SHISAL1: variants seen among roughly 807,000 people sequenced by gnomAD.
The protein encoded by SHISAL1 is protein shisa-like-1.
In SHISAL1, 9 loss-of-function variants were observed where a neutral mutation model predicts 22.6. The ratio of observed to expected loss-of-function variants is 0.40; its 90% CI spans 0.24 to 0.70. SHISAL1 has a LOEUF of 0.70. Ranked by LOEUF, SHISAL1 falls within the 30% of genes least tolerant of loss-of-function variation. The pLI, the probability that SHISAL1 is intolerant of heterozygous loss-of-function variation, is 0.39. For missense variants in SHISAL1, 246 were observed against 270.6 expected (o/e 0.91, Z 0.64); for synonymous variants, 119 against 115.4 (o/e 1.03, Z -0.20).
At chr22:44,253,372 A>G (rs1014989927) in intron 4 of SHISAL1, among the ~76,000 whole-genome samples, 6 of 151,970 alleles carry the variant, frequency 3.9e-5, no homozygotes, top group Non-Finnish European at 7.4e-5. Context: ...CAATATTCAT[A>G]GAGCAAGACT....
intron 4 of SHISAL1, among the ~76,000 whole-genome samples, chr22:44,276,496 T>G (rs1601788208): frequency 6.7e-6 from 1 of 149,706 alleles, no homozygotes; most frequent in Non-Finnish European, 1.5e-5. Context: ...CAGGGAGATA[T>G]GTGGAGGCAG....
Position 44,249,489 on chromosome 22 carries a change from C to T in SHISAL1, c.*196G>A. 1.9e-6 allele frequency: 1 copy of T among 525,192 alleles called. No individual in the cohort carries two copies. The highest frequency in any genetic ancestry group is 2.4e-5 in the South Asian group (1 of 42,428). The allele number at this position is 525,192 out of a possible 1,614,324, so 32.5% of individuals were successfully genotyped here. On this transcript the variant is annotated 3_prime_UTR_variant, in exon 5 of 5. Coordinates refer to ENST00000381176, the MANE Select transcript of SHISAL1 (RefSeq NM_001099294.2). ...CTCAGAATCCCCTCCCCTGCACCCC[C>T]AGCCCCTACCCCTGAGTTTGCTCCT...
chr22:44,327,969 C>A, the SHISAL1 span, among the ~76,000 whole-genome samples: 1 of 152,070 alleles, frequency 6.6e-6, no homozygotes, highest in Middle Eastern at 3.4e-3. Flanking sequence ...CTCTTGGGGG[C>A]GCTGGGGAAG....
chr22:44,266,528 A>G (rs374760277), intron 4 of SHISAL1, among the ~76,000 whole-genome samples: 134 of 108,400 alleles, frequency 1.2e-3, no homozygotes, highest in Middle Eastern at 5.3e-3. Flanking sequence ...GCTTTGGGGT[A>G]TGTGTGTGTG....
At chr22:44,250,640 G>C (rs532722375) in intron 4 of SHISAL1, among the ~76,000 whole-genome samples, 6 of 152,324 alleles carry the variant, frequency 3.9e-5, no homozygotes, top group Admixed American at 6.5e-5. Context: ...CGCTGTGTAA[G>C]TGGGAGTCTA....
intron 4 of SHISAL1, among the ~76,000 whole-genome samples, chr22:44,273,398 C>G (rs137962548): frequency 6.6e-6 from 1 of 152,100 alleles, no homozygotes; most frequent in African/African-American, 2.4e-5. Context: ...ATACCGTCAC[C>G]GGCACAGATG....
intron 2 of SHISAL1, among the ~76,000 whole-genome samples, chr22:44,300,301 TGGGAGCAGGCCCTGGCTG>T (rs2055419234): frequency 6.6e-6 from 1 of 152,100 alleles, no homozygotes; most frequent in South Asian, 2.1e-4. Flanking sequence ...GGCTCCTTGC[TGGGAGCAGGCCCTGGCTG>T]GGGAGCAGGG....
chr22:44,293,321 G>C (rs181209726), intron 3 of SHISAL1, among the ~76,000 whole-genome samples: 120 of 152,334 alleles, frequency 7.9e-4, no homozygotes, highest in Admixed American at 2.0e-3. Flanking sequence ...GAATGACAAG[G>C]GATGGGATCT....
intron 1 of SHISAL1, among the ~76,000 whole-genome samples, chr22:44,306,516 CCTGGG>C: frequency 8.8e-6 from 1 of 113,432 alleles, no homozygotes; most frequent in African/African-American, 3.3e-5. Context: ...GTAGAGGGTA[CCTGGG>C]CTCGGGGAGC....
chr22:44,294,874 G>T (rs949329865), intron 3 of SHISAL1, among the ~76,000 whole-genome samples: 2 of 152,094 alleles, frequency 1.3e-5, no homozygotes, highest in African/African-American at 2.4e-5. Context: ...GAAATAACTC[G>T]AAATAAATGC....
At chr22:44,251,663 C>A (rs528409934) in intron 4 of SHISAL1, among the ~76,000 whole-genome samples, 4 of 152,154 alleles carry the variant, frequency 2.6e-5, no homozygotes, top group Admixed American at 6.5e-5. Flanking sequence ...GCAAAGAGAG[C>A]GAGCAAGCTT....
intron 1 of SHISAL1, among the ~76,000 whole-genome samples, chr22:44,302,897 A>G (rs1016077851): frequency 2.4e-4 from 33 of 139,188 alleles, no homozygotes; most frequent in African/African-American, 9.6e-4. Context: ...AGGAGGCAGC[A>G]GGGGCAAAGG....
rs946639971 is a variant in SHISAL1, at chr22:44,249,705, A to T, written c.*-20T>A. On this transcript the variant is annotated intron_variant, in intron 4 of 4. Coordinates refer to ENST00000381176, the MANE Select transcript of SHISAL1 (RefSeq NM_001099294.2). The stretch of plus-strand genomic sequence containing the variant: ...CGTTTTCTGGAGGAAATACAAGGAA[A>T]AAAAGTATCACATGGTGTCTCCTCC... 1 of 771,114 alleles carries T rather than the reference A, an allele frequency of 1.3e-6. No individual in the cohort carries two copies. The highest frequency in any genetic ancestry group is 2.4e-6 in the Non-Finnish European group (1 of 411,796). The allele number at this position is 771,114 out of a possible 1,614,324, so 47.8% of individuals were successfully genotyped here.
chr22:44,313,194 G>A (rs1601809802), upstream of SHISAL1, among the ~76,000 whole-genome samples: 1 of 152,262 alleles, frequency 6.6e-6, no homozygotes, highest in Admixed American at 6.5e-5. Context: ...AGAAGCAGCA[G>A]GGGCTTAGAC....
chr22:44,263,340 G>A (rs1222869776), intron 4 of SHISAL1, among the ~76,000 whole-genome samples: 1 of 152,000 alleles, frequency 6.6e-6, no homozygotes, highest in African/African-American at 2.4e-5. Context: ...CAAAGTGCTG[G>A]GATTACAGGC....
Position 44,249,652 on chromosome 22 carries a change from T to A in SHISAL1, c.*33A>T, listed in dbSNP as rs117653443. Reference sequence around the variant, plus strand: ...GCTGCACCGGGTGCTTCAGATCTCATCTCCCCCATCCTGAGGCACAGCAAA... The same window carrying A: ...GCTGCACCGGGTGCTTCAGATCTCAACTCCCCCATCCTGAGGCACAGCAAA... On this transcript the variant is annotated 3_prime_UTR_variant, in exon 5 of 5. Transcript: ENST00000381176. 2,315 of 779,338 alleles carry A rather than the reference T, an allele frequency of 3.0e-3. 61 individuals are homozygous for A. In the East Asian group the frequency reaches 0.048, roughly 16 times the overall value. 48.3% of individuals were successfully genotyped at this position (779,338 alleles called of 1,614,324 possible).
intron 4 of SHISAL1, among the ~76,000 whole-genome samples, chr22:44,281,309 T>C (rs138841635): frequency 6.6e-6 from 1 of 152,052 alleles, no homozygotes; most frequent in African/African-American, 2.4e-5. Context: ...TGCACACCAC[T>C]GCACAACTGA....
In SHISAL1 at chr22:44,245,238, C is replaced by G. The variant is rs529622648; in HGVS notation, c.*4447G>C. ...GAAAACAACCCACGTGGATGTCTCC[C>G]TACAGTGATAGGGGGCCCTTCAACA... On this transcript the variant is annotated 3_prime_UTR_variant, in exon 5 of 5. Transcript: ENST00000381176. The G allele has an allele frequency of 4.5e-4, 68 of 152,288 alleles. 1 individual carries two copies. The highest frequency in any genetic ancestry group is 1.5e-3 in the African/African-American group (64 of 41,570). 9.4% of individuals were successfully genotyped at this position (152,288 alleles called of 1,614,324 possible). A position where few individuals can be genotyped will look rare whatever the true frequency, so the allele number is the denominator to read the frequency against.
At chr22:44,260,339 C>T (rs570671510) in intron 4 of SHISAL1, among the ~76,000 whole-genome samples, 1 of 152,346 alleles carries the variant, frequency 6.6e-6, no homozygotes, top group African/African-American at 2.4e-5. Context: ...ATTTGAGAGC[C>T]CATCTCGAAC....
Sources: allele counts gnomAD v4.1 joint callset (sites outside exome capture counted in the v4.1 genomes callset), GRCh38; gene constraint gnomAD v4.1.1; transcripts MANE v1.5; gene names NCBI Gene and HGNC (gene_info 2026-07-23, HGNC 2026-07-21).